GRHPR: variants seen among roughly 807,000 people sequenced by gnomAD.
GRHPR encodes glyoxylate and hydroxypyruvate reductase.
In GRHPR, 35 loss-of-function variants were observed where a neutral mutation model predicts 36.8. The ratio of observed to expected loss-of-function variants is 0.95; its 90% CI spans 0.73 to 1.26. The LOEUF (loss-of-function observed/expected upper bound fraction) is 1.26, where lower values mean the gene tolerates loss of function less well. GRHPR is among the 50% of genes most tolerant of loss of function. GRHPR has a pLI of 0.00. For synonymous variants in GRHPR, 179 were observed against 181.0 expected, an observed-to-expected ratio of 0.99 and a Z score of 0.09; for missense variants, 380 against 435.0, an observed-to-expected ratio of 0.87 and a Z score of 1.12.
intron 8 of GRHPR, chr9:37,434,099 C>G (rs901248345): frequency 1.5e-5 from 3 of 204,516 alleles, no homozygotes; most frequent in Admixed American, 1.2e-4. Context: ...AGGTCTTGGT[C>G]TGAGGAGAGG....
rs1237206459 is a variant in GRHPR, at chr9:37,424,955, A to C, written c.194A>C (p.Lys65Thr). 1 of 1,612,616 alleles carries C rather than the reference A, an allele frequency of 6.2e-7. No homozygotes were observed. The highest frequency in any genetic ancestry group is 1.7e-5 in the Admixed American group (1 of 60,024). Residue 65 changes from lysine (K) to threonine (T), a missense_variant, in exon 2 of 9, where the codon AAG (lysine) becomes ACG (threonine). Lys to Thr is a moderately conservative substitution (Grantham distance 78). Transcript: ENST00000318158. Reference sequence around the variant, plus strand: ...TGCCTCCTCTCCGACCACGTGGACAAGAGGATCCTGGATGCTGCAGGTGCA... The same window carrying C: ...TGCCTCCTCTCCGACCACGTGGACACGAGGATCCTGGATGCTGCAGGTGCA... ...LLCLLSDHVDKRILDAAGANL... is the reference protein window; with the variant it reads ...LLCLLSDHVDTRILDAAGANL...
intron 8 of GRHPR, among the ~76,000 whole-genome samples, chr9:37,433,265 GCT>G (rs1823464896): frequency 7.5e-6 from 1 of 133,846 alleles, no homozygotes; most frequent in Non-Finnish European, 1.5e-5. Context: ...ACAGAGTCTC[GCT>G]CTGTCGCCCA....
downstream of GRHPR, chr9:37,438,526 C>T (rs964787958): frequency 3.3e-5 from 5 of 152,252 alleles, no homozygotes; most frequent in African/African-American, 1.2e-4. Flanking sequence ...AAAGCAAAGT[C>T]CACTTATGCT....
rs1189395223 is a variant in GRHPR at position 37,436,791 on chromosome 9, T to C, written c.*9T>C. On this transcript the variant is annotated 3_prime_UTR_variant, in exon 9 of 9. Transcript: ENST00000318158. ...GTGAACTCAAGCTGTAGCCAAACAG[T>C]AGAGATGGAGGGCCGGGAAGCAAAC... is the stretch of plus-strand genomic sequence containing the variant. 1.9e-6 allele frequency: 3 copies of C among 1,613,640 alleles called. No homozygotes were observed. Among genetic ancestry groups the C allele is most frequent in the South Asian group, 2.2e-5 (2 of 91,062 alleles).
At chr9:37,438,089 AAAAG>A (rs1306554767), downstream of GRHPR, 1 of 152,316 alleles carries the variant, frequency 6.6e-6, no homozygotes, top group African/African-American at 2.4e-5. Flanking sequence ...AACGTAAAGA[AAAAG>A]AACACATATT....
intron 5 of GRHPR, chr9:37,429,138 G>T: frequency 3.7e-6 from 1 of 267,576 alleles, no homozygotes. Context: ...TGAGGGTGGA[G>T]AGTGTGGAGA....
At position 37,430,556 on chromosome 9, in the gene GRHPR, C is replaced by T; in HGVS notation, c.644C>T (p.Ala215Val). Residue 215 changes from alanine (A) to valine (V), a missense_variant, in exon 7 of 9, where the codon GCC becomes GTC. Ala to Val is a moderately conservative substitution (Grantham distance 64, BLOSUM62 0). Coordinates refer to ENST00000318158, the MANE Select transcript of GRHPR (RefSeq NM_012203.2). ...GCCCAATCTGATTTCATCGTCGTGG[C>T]CTGCTCCTTAACACCTGCAACCGAG... ...LAAQSDFIVV[A>V]CSLTPATEGL... is the part of the protein sequence containing the mutation. 6.2e-7 allele frequency: 1 copy of T among 1,613,526 alleles called. No individual in the cohort carries two copies. The highest frequency in any genetic ancestry group is 1.1e-5 in the South Asian group (1 of 91,074).
intron 3 of GRHPR, 132 bp downstream of exon 3, chr9:37,426,126 T>G: frequency 1.4e-6 from 1 of 721,426 alleles, no homozygotes; most frequent in African/African-American, 1.7e-5. Context: ...GATGATAGAA[T>G]CTGTCCACAT....
chr9:37,437,795 TC>T (rs889051103), downstream of GRHPR, among the ~76,000 whole-genome samples: 1 of 152,072 alleles, frequency 6.6e-6, no homozygotes, highest in African/African-American at 2.4e-5. Flanking sequence ...TTCCAGCTCT[TC>T]CCAGCAGCCA....
chr9:37,430,231 G>T (rs1588758417), intron 6 of GRHPR: 2 of 566,018 alleles, frequency 3.5e-6, no homozygotes, highest in Non-Finnish European at 6.4e-6. Context: ...GCACCTGGCG[G>T]GTCCACAGCC....
intron 1 of GRHPR, 33 bp downstream of exon 1, chr9:37,422,866 A>T (rs1822900420): frequency 1.3e-6 from 2 of 1,504,250 alleles, no homozygotes; most frequent in Non-Finnish European, 1.8e-6. Flanking sequence ...AGGAGGGAGC[A>T]GGGCGGTCCC....
chr9:37,436,286 T>G (rs149182869), intron 8 of GRHPR, among the ~76,000 whole-genome samples: 1 of 152,128 alleles, frequency 6.6e-6, no homozygotes, highest in African/African-American at 2.4e-5. Context: ...ATTTTTGTAT[T>G]TTTTGTAGAG....
intron 8 of GRHPR, chr9:37,432,380 G>GT (rs1291090795): frequency 2.7e-5 from 12 of 446,402 alleles, no homozygotes; most frequent in South Asian, 2.2e-4. Context: ...GAGTGGATTT[G>GT]TTTAAAAAAA....
chr9:37,430,878 C>T, intron 7 of GRHPR: 1 of 637,244 alleles, frequency 1.6e-6, no homozygotes. Context: ...TGGCCCCCAC[C>T]CGGCGGGGCC....
chr9:37,426,774 C>A lies in GRHPR; in HGVS notation c.404+120C>A, dbSNP rs375983932. 1,555 of 674,438 alleles carry A rather than the reference C, an allele frequency of 2.3e-3. 39 individuals are homozygous for A. The highest frequency in any genetic ancestry group is 0.023 in the South Asian group (1,515 of 66,094). 41.8% of individuals were successfully genotyped at this position (674,438 alleles called of 1,614,324 possible). ...ACCAGTCTGGCCAACATAGTGAAAC[C>A]CCGTCTCTAGTAAAAATACAAAAAA... On this transcript the variant is annotated intron_variant, in intron 4 of 8. Transcript: ENST00000318158.
chr9:37,437,194 T>C (rs1823713433), downstream of GRHPR, among the ~76,000 whole-genome samples: 1 of 151,922 alleles, frequency 6.6e-6, no homozygotes, highest in Admixed American at 6.5e-5. Context: ...TTTCCTGCAG[T>C]GTGCTATGAT....
At chr9:37,423,473 T>G (rs1588748257) in intron 1 of GRHPR, among the ~76,000 whole-genome samples, 1 of 151,324 alleles carries the variant, frequency 6.6e-6, no homozygotes, top group African/African-American at 2.4e-5. Context: ...ATGACTGGCC[T>G]GAGGACCCTT....
In GRHPR at chr9:37,422,788, G is replaced by A. The variant is rs750677922; in HGVS notation, c.38G>A (p.Arg13His). 2 of 1,600,734 alleles carry A rather than the reference G, an allele frequency of 1.2e-6. No individual in the cohort carries two copies. Among genetic ancestry groups the A allele is most frequent in the Admixed American group, 1.7e-5 (1 of 58,898 alleles). ...PVRLMKVFVT[R>H]RIPAEGRVAL... ...CGACTCATGAAGGTGTTCGTCACCC[G>A]CAGGATACCCGCCGAGGGTAGGGTC... The change falls in exon 1 of 9, where the codon CGC becomes CAC. Residue 13 changes from arginine to histidine, a missense_variant. Coordinates refer to ENST00000318158, the MANE Select transcript of GRHPR (RefSeq NM_012203.2).
At chr9:37,426,764 A>T in intron 4 of GRHPR, 110 bp downstream of exon 4, 1 of 710,640 alleles carries the variant, frequency 1.4e-6, no homozygotes, top group Non-Finnish European at 2.6e-6. Flanking sequence ...TCTGGCCAAC[A>T]TAGTGAAACC....
Sources: allele counts gnomAD v4.1 joint callset (sites outside exome capture counted in the v4.1 genomes callset), GRCh38; gene constraint gnomAD v4.1.1; transcripts MANE v1.5; gene names NCBI Gene and HGNC (gene_info 2026-07-23, HGNC 2026-07-21).